The following DSCAML1 variants were observed in gnomAD, a reference collection of about 807,000 sequenced individuals.
DSCAML1 encodes the protein DS cell adhesion molecule like 1, also known as cell adhesion molecule DSCAML1.
DSCAML1 carries 38 observed loss-of-function variants against 200.5 expected under a neutral mutation model. That is an observed-to-expected ratio of 0.19 (90% CI 0.15 to 0.25). The LOEUF (loss-of-function observed/expected upper bound fraction) is 0.25, where lower values mean the gene tolerates loss of function less well. Among genes scored for constraint, DSCAML1 ranks in the 10% least tolerant of loss-of-function variants. The pLI is 1.00. For synonymous variants in DSCAML1, 1,215 were observed against 1,165.0 expected (o/e 1.04, Z -0.87); for missense variants, 2,223 against 2,858.8 (o/e 0.78, Z 5.07).
chr11:117,769,130 GTATAT>G (rs1238814134), intron 3 of DSCAML1, among the ~76,000 whole-genome samples: 62 of 115,260 alleles, frequency 5.4e-4, no homozygotes, highest in Non-Finnish European at 9.2e-4. Flanking sequence ...TATATATTAT[GTATAT>G]TATATATTAT....
At chr11:117,471,843 C>T (rs1161212807) in intron 15 of DSCAML1, 26 bp downstream of exon 15, 3 of 1,474,884 alleles carry the variant, frequency 2.0e-6, no homozygotes, top group Non-Finnish European at 2.7e-6. Flanking sequence ...AGGCCATGGG[C>T]AGGGCAGGCT....
chr11:117,646,784 A>G (rs1233860109), intron 3 of DSCAML1, among the ~76,000 whole-genome samples: 1 of 151,836 alleles, frequency 6.6e-6, no homozygotes, highest in Non-Finnish European at 1.5e-5. Context: ...TTAAACCTTC[A>G]CCAGCAGGCC....
chr11:117,566,704 A>C (rs2050763804), intron 3 of DSCAML1, among the ~76,000 whole-genome samples: 1 of 150,498 alleles, frequency 6.6e-6, no homozygotes, highest in African/African-American at 2.5e-5. Flanking sequence ...CATTAGGTAT[A>C]TCTCCCAATG....
intron 3 of DSCAML1, among the ~76,000 whole-genome samples, chr11:117,763,327 G>A (rs904018445): frequency 6.6e-6 from 1 of 151,980 alleles, no homozygotes; most frequent in African/African-American, 2.4e-5. Flanking sequence ...AGTCGTTAAA[G>A]CTCCCTGTGT....
At chr11:117,748,808 C>T (rs1050357150) in intron 3 of DSCAML1, among the ~76,000 whole-genome samples, 1 of 152,200 alleles carries the variant, frequency 6.6e-6, no homozygotes, top group African/African-American at 2.4e-5. Flanking sequence ...TCTACCCCTC[C>T]TCTGCCCACG....
chr11:117,681,661 G>C (rs998217800), intron 3 of DSCAML1, among the ~76,000 whole-genome samples: 2 of 152,176 alleles, frequency 1.3e-5, no homozygotes, highest in African/African-American at 4.8e-5. Context: ...TCTCTTCCCA[G>C]TTCCAGCATC....
At position 117,606,329 on chromosome 11, in the gene DSCAML1, C is replaced by G. The variant is rs569253998; in HGVS notation, c.512-73807G>C. ...TGGAGAAATTTACCTTCACTGCCCC[C>G]CTGGAGAAGTTCTCGCGGCCTCAGT... On this transcript the variant is annotated intron_variant, in intron 3 of 32. Transcript: ENST00000651296. Among the ~76,000 whole-genome samples, 18 of 152,312 alleles carry G rather than the reference C, an allele frequency of 1.2e-4. No individual in the cohort carries two copies. The South Asian group carries it at 2.5e-3, about 21-fold the overall frequency.
intron 3 of DSCAML1, among the ~76,000 whole-genome samples, chr11:117,644,737 T>C (rs984874929): frequency 3.3e-5 from 5 of 152,198 alleles, no homozygotes; most frequent in Non-Finnish European, 7.4e-5. Flanking sequence ...GCAATGTTCC[T>C]CTGCACCAGG....
chr11:117,760,416 A>G (rs2054777864), intron 3 of DSCAML1, among the ~76,000 whole-genome samples: 1 of 152,218 alleles, frequency 6.6e-6, no homozygotes, highest in African/African-American at 2.4e-5. Context: ...ATATGTATGC[A>G]TCCAGAAACA....
intron 11 of DSCAML1, among the ~76,000 whole-genome samples, chr11:117,486,253 T>C (rs918335503): frequency 2.8e-5 from 2 of 72,290 alleles, no homozygotes; most frequent in African/African-American, 5.9e-5. Flanking sequence ...AAGTGGCGGA[T>C]GGGAAAGTGG....
chr11:117,600,450 C>T (rs1382109594), intron 3 of DSCAML1, among the ~76,000 whole-genome samples: 1 of 152,210 alleles, frequency 6.6e-6, no homozygotes, highest in Non-Finnish European at 1.5e-5. Context: ...CTCGCCACAG[C>T]TGTGCACTAG....
chr11:117,650,603 C>T (rs2052609552), intron 3 of DSCAML1, among the ~76,000 whole-genome samples: 2 of 152,028 alleles, frequency 1.3e-5, no homozygotes, highest in East Asian at 3.9e-4. Flanking sequence ...CAGTACCGAG[C>T]TGGTGATCTG....
intron 3 of DSCAML1, among the ~76,000 whole-genome samples, chr11:117,632,083 G>A (rs1008149638): frequency 6.6e-5 from 10 of 152,174 alleles, no homozygotes; most frequent in Non-Finnish European, 1.0e-4. Context: ...GCCCGATGTC[G>A]ACAGTCCTAT....
At chr11:117,690,171 C>A (rs1232557088) in intron 3 of DSCAML1, among the ~76,000 whole-genome samples, 2 of 152,236 alleles carry the variant, frequency 1.3e-5, no homozygotes, top group African/African-American at 4.8e-5. Context: ...AACTATAAAG[C>A]AATTCATTAA....
At chr11:117,622,899 G>A (rs1362697218) in intron 3 of DSCAML1, among the ~76,000 whole-genome samples, 1 of 152,160 alleles carries the variant, frequency 6.6e-6, no homozygotes, top group Non-Finnish European at 1.5e-5. Context: ...TGTTTACTGA[G>A]TCCATACTAT....
chr11:117,467,410 C>T (rs745353421), intron 16 of DSCAML1, among the ~76,000 whole-genome samples: 11 of 152,136 alleles, frequency 7.2e-5, no homozygotes, highest in Non-Finnish European at 1.6e-4. Context: ...CAGCTTGAAT[C>T]GGGGTTTTAA....
chr11:117,660,129 G>T (rs58519921), intron 3 of DSCAML1, among the ~76,000 whole-genome samples: 1 of 151,986 alleles, frequency 6.6e-6, no homozygotes, highest in Non-Finnish European at 1.5e-5. Context: ...CCCAACACAG[G>T]CCATAGGAAA....
rs750858237 is a variant in DSCAML1, at chr11:117,524,960, T to C, written c.782A>G (p.Lys261Arg). 3 of 1,613,246 alleles carry C rather than the reference T, an allele frequency of 1.9e-6. No individual in the cohort carries two copies. In the Admixed American group the frequency reaches 5.0e-5, roughly 27 times the overall value. Residue 261 changes from lysine (K) to arginine (R), a missense_variant, in exon 5 of 33, where the codon AAG becomes AGG. Transcript: ENST00000651296. The stretch of plus-strand genomic sequence containing the variant: ...GTCAGCCGGGAGGGGCCGGCCATCC[T>C]TGAGCCAGCGGATGGCGGGGATAGG... ...GYPIPAIRWL[K>R]DGRPLPADSR...
intron 19 of DSCAML1, among the ~76,000 whole-genome samples, chr11:117,453,618 A>AATCT (rs1405895439): frequency 2.6e-5 from 4 of 152,054 alleles, no homozygotes; most frequent in Non-Finnish European, 5.9e-5. Context: ...AGTTAGCCAC[A>AATCT]ATCTTATTGC....
Sources: gnomAD v4.1 joint callset for allele counts (sites outside exome capture counted in the v4.1 genomes callset) on GRCh38, gnomAD v4.1.1 for gene constraint, MANE v1.5 for transcripts, NCBI Gene and HGNC (gene_info 2026-07-23, HGNC 2026-07-21) for gene names.